Variants in DOCK3 observed in about 807,000 individuals in gnomAD.
DOCK3 encodes dedicator of cytokinesis 3.
In DOCK3, 60 loss-of-function variants were observed where a neutral mutation model predicts 265.6. The ratio of observed to expected loss-of-function variants is 0.23; its 90% confidence interval spans 0.18 to 0.28. The LOEUF is 0.28. DOCK3 is among the 10% of genes least tolerant of loss of function. The pLI, the probability that DOCK3 is intolerant of heterozygous loss-of-function variation, is 1.00. For missense variants in DOCK3, 1,981 were observed against 2,594.3 expected (o/e 0.76, Z 5.14); for synonymous variants, 881 against 938.0 (o/e 0.94, Z 1.11).
At chr3:50,809,120 G>A (rs1320938902) in intron 2 of DOCK3, among the ~76,000 whole-genome samples, 3 of 152,176 alleles carry the variant, frequency 2.0e-5, no homozygotes, top group African/African-American at 7.2e-5. Context: ...TTATTAGAAT[G>A]AAAATTTTCT....
chr3:51,174,267 C>A (rs753898204), intron 12 of DOCK3, among the ~76,000 whole-genome samples: 22 of 151,982 alleles, frequency 1.4e-4, no homozygotes, highest in South Asian at 2.1e-4. Context: ...ACCATCCTGG[C>A]CAACATGGCA....
intron 12 of DOCK3, among the ~76,000 whole-genome samples, chr3:51,167,223 A>G (rs1013813776): frequency 6.6e-6 from 1 of 152,088 alleles, no homozygotes; most frequent in African/African-American, 2.4e-5. Context: ...TCCTTTCCCC[A>G]TTGTGTATTC....
intron 21 of DOCK3, among the ~76,000 whole-genome samples, chr3:51,244,607 T>C (rs372497646): frequency 1.1e-4 from 16 of 152,226 alleles, no homozygotes; most frequent in Non-Finnish European, 1.8e-4. Context: ...TTTCTACATA[T>C]AAGATTATAT....
chr3:51,018,943 A>G (rs892418321), intron 5 of DOCK3, among the ~76,000 whole-genome samples: 2 of 151,854 alleles, frequency 1.3e-5, no homozygotes, highest in Non-Finnish European at 2.9e-5. Context: ...ATAGTCTCCT[A>G]CACTGTAGCT....
At chr3:51,329,964 G>A (rs868038097) in intron 32 of DOCK3, among the ~76,000 whole-genome samples, 174 bp from the exon 33 acceptor site, 20 of 152,196 alleles carry the variant, frequency 1.3e-4, no homozygotes, top group African/African-American at 4.8e-4. Flanking sequence ...TTGATTTGGG[G>A]AGCAGAATGG....
intron 1 of DOCK3, among the ~76,000 whole-genome samples, chr3:50,759,544 A>T (rs2040401528): frequency 6.6e-6 from 1 of 151,936 alleles, no homozygotes; most frequent in Admixed American, 6.6e-5. Flanking sequence ...GCCTATTTTA[A>T]GAATCAATTT....
chr3:51,285,462 G>T (rs1208045542), intron 27 of DOCK3, among the ~76,000 whole-genome samples: 1 of 151,570 alleles, frequency 6.6e-6, no homozygotes, highest in Non-Finnish European at 1.5e-5. Context: ...TTTCAACAAA[G>T]AAACAGAAAG....
chr3:50,851,349 G>T (rs2046350097), intron 3 of DOCK3, among the ~76,000 whole-genome samples: 1 of 152,126 alleles, frequency 6.6e-6, no homozygotes, highest in South Asian at 2.1e-4. Flanking sequence ...GGGTGTAGCA[G>T]AGAGGGCTTC....
chr3:50,888,717 A>G (rs1025394393), intron 3 of DOCK3, among the ~76,000 whole-genome samples: 3 of 152,126 alleles, frequency 2.0e-5, no homozygotes, highest in Non-Finnish European at 4.4e-5. Flanking sequence ...CATATCTACA[A>G]CTATCTGATC....
intron 1 of DOCK3, among the ~76,000 whole-genome samples, chr3:50,754,400 T>A (rs889936923): frequency 1.3e-5 from 2 of 152,070 alleles, no homozygotes; most frequent in African/African-American, 4.8e-5. Flanking sequence ...AGTATTCTCA[T>A]GTAACAAATC....
At chr3:51,283,827 A>C (rs1242306522) in intron 27 of DOCK3, among the ~76,000 whole-genome samples, 1 of 152,054 alleles carries the variant, frequency 6.6e-6, no homozygotes, top group Non-Finnish European at 1.5e-5. Context: ...CATAGACTAC[A>C]TGAAAAAGGT....
intron 4 of DOCK3, among the ~76,000 whole-genome samples, chr3:50,905,866 T>G (rs2049463747): frequency 6.6e-6 from 1 of 152,070 alleles, no homozygotes; most frequent in Admixed American, 6.6e-5. Context: ...TACTTCCAGT[T>G]TTTGCCCATT....
At chr3:50,877,780 T>C in intron 3 of DOCK3, 1 of 285,014 alleles carries the variant, frequency 3.5e-6, no homozygotes, top group Non-Finnish European at 6.8e-6. Flanking sequence ...TTCAAGCAAT[T>C]CTCCTGCCTC....
At chr3:50,910,384 C>A (rs938169041) in intron 4 of DOCK3, among the ~76,000 whole-genome samples, 3 of 152,148 alleles carry the variant, frequency 2.0e-5, no homozygotes. Context: ...ACTGGTGACA[C>A]AATCATTCCT....
intron 32 of DOCK3, among the ~76,000 whole-genome samples, chr3:51,325,105 A>C (rs2084006810): frequency 6.6e-6 from 1 of 152,230 alleles, no homozygotes; most frequent in Admixed American, 6.5e-5. Flanking sequence ...GCACAGCAAA[A>C]GAAACTATCA....
chr3:50,867,603 CT>C (rs2047207144), intron 3 of DOCK3, among the ~76,000 whole-genome samples: 1 of 64,056 alleles, frequency 1.6e-5, no homozygotes, highest in Admixed American at 1.2e-4. Flanking sequence ...TCCTAGTTAC[CT>C]GTTTTTTTTT....
Position 51,019,028 on chromosome 3 carries a change from C to G in DOCK3, c.316-45420C>G, listed in dbSNP as rs2079476765. On this transcript the variant is annotated intron_variant, in intron 5 of 52. Transcript: ENST00000266037. ...ACTATAGGCATGAGCTACCACCACA[C>G]CTGGTAAAGTTTTTTATTTTCCTTT... Among the ~76,000 whole-genome samples the G allele has an allele frequency of 1.3e-5, 2 of 151,714 alleles. 1 individual carries two copies. Among genetic ancestry groups the G allele is most frequent in the African/African-American group, 4.9e-5 (2 of 41,090 alleles).
At chr3:50,941,860 G>A (rs145112713) in intron 5 of DOCK3, among the ~76,000 whole-genome samples, 20 of 152,100 alleles carry the variant, frequency 1.3e-4, no homozygotes, top group African/African-American at 3.6e-4. Flanking sequence ...CAAAATTATA[G>A]CAATTAAGAC....
chr3:51,061,096 A>G (rs911678006), intron 5 of DOCK3, among the ~76,000 whole-genome samples: 1 of 152,176 alleles, frequency 6.6e-6, no homozygotes, highest in African/African-American at 2.4e-5. Flanking sequence ...AAATAGGAAC[A>G]CTTTTACACT....
Sources: allele counts gnomAD v4.1 joint callset (sites outside exome capture counted in the v4.1 genomes callset), GRCh38; gene constraint gnomAD v4.1.1; transcripts MANE v1.5; gene names NCBI Gene and HGNC (gene_info 2026-07-23, HGNC 2026-07-21).